The following NALF1 variants were observed in gnomAD, a reference collection of about 807,000 sequenced individuals.
The protein encoded by NALF1 is NALCN channel auxiliary factor 1.
In NALF1, 3 loss-of-function variants were observed where a neutral mutation model predicts 48.4. The observed-to-expected ratio is 0.06, with a 90% CI of 0.03 to 0.16. The LOEUF (loss-of-function observed/expected upper bound fraction) is 0.16, where lower values mean the gene tolerates loss of function less well. Among genes scored for constraint, NALF1 ranks in the 10% least tolerant of loss-of-function variants. The probability of loss-of-function intolerance (pLI) is 1.00; values close to 1 mark genes in which losing one functional copy is unlikely to be tolerated. For synonymous variants in NALF1, 262 were observed against 245.7 expected, an observed-to-expected ratio of 1.07 and a Z score of -0.62; for missense variants, 526 against 571.5, an observed-to-expected ratio of 0.92 and a Z score of 0.81.
At chr13:107,690,385 T>C (rs1881539565) in intron 1 of NALF1, among the ~76,000 whole-genome samples, 2 of 152,236 alleles carry the variant, frequency 1.3e-5, no homozygotes, top group African/African-American at 2.4e-5. Context: ...ACAAGTTCAG[T>C]AACATCTAAA....
chr13:107,267,891 C>A (rs558164588), intron 1 of NALF1, among the ~76,000 whole-genome samples: 2 of 151,996 alleles, frequency 1.3e-5, no homozygotes, highest in Non-Finnish European at 2.9e-5. Flanking sequence ...GGATTCACGT[C>A]TCGGGCAGGA....
chr13:107,316,161 C>T (rs1882145889), intron 1 of NALF1, among the ~76,000 whole-genome samples: 1 of 151,982 alleles, frequency 6.6e-6, no homozygotes, highest in Non-Finnish European at 1.5e-5. Context: ...GGTTTTTTGA[C>T]CTTGCGATAG....
chr13:107,385,769 C>T (rs1193548017), intron 1 of NALF1, among the ~76,000 whole-genome samples: 1 of 152,090 alleles, frequency 6.6e-6, no homozygotes, highest in Non-Finnish European at 1.5e-5. Context: ...TTAAAAGGAA[C>T]AAATTCGATA....
At chr13:107,802,717 A>G (rs545878203) in intron 1 of NALF1, among the ~76,000 whole-genome samples, 4 of 152,310 alleles carry the variant, frequency 2.6e-5, no homozygotes, top group African/African-American at 9.6e-5. Flanking sequence ...TAGAGAGTAT[A>G]TATAAAATAA....
intron 1 of NALF1, among the ~76,000 whole-genome samples, chr13:107,778,771 C>G (rs962917137): frequency 2.6e-5 from 4 of 152,080 alleles, no homozygotes; most frequent in African/African-American, 9.7e-5. Flanking sequence ...TTTCTTCCCT[C>G]CCCACTCATT....
At chr13:107,715,679 G>A (rs1875793613) in intron 1 of NALF1, among the ~76,000 whole-genome samples, 1 of 152,194 alleles carries the variant, frequency 6.6e-6, no homozygotes, top group East Asian at 1.9e-4. Flanking sequence ...AAGGGGAAAA[G>A]TGAGCCCTTC....
At chr13:107,743,183 CA>C (rs1457934742) in intron 1 of NALF1, among the ~76,000 whole-genome samples, 5 of 152,192 alleles carry the variant, frequency 3.3e-5, no homozygotes, top group Non-Finnish European at 5.9e-5. Flanking sequence ...CAGAGATTCC[CA>C]AAGAGATTGA....
At chr13:107,411,252 T>C (rs1197408722) in intron 1 of NALF1, among the ~76,000 whole-genome samples, 1 of 151,946 alleles carries the variant, frequency 6.6e-6, no homozygotes, top group Non-Finnish European at 1.5e-5. Context: ...CTCCTGGGAA[T>C]GCCTTGTTGT....
At chr13:107,638,814 C>T (rs1445795066) in intron 1 of NALF1, among the ~76,000 whole-genome samples, 2 of 152,018 alleles carry the variant, frequency 1.3e-5, no homozygotes, top group East Asian at 1.9e-4. Context: ...GGATCGAGAT[C>T]CATTCGACTG....
chr13:107,774,562 C>T (rs543286543), intron 1 of NALF1, among the ~76,000 whole-genome samples: 5 of 152,284 alleles, frequency 3.3e-5, no homozygotes, highest in African/African-American at 9.6e-5. Context: ...GAGGTAAATA[C>T]ATTTCTTACC....
chr13:107,445,322 T>A (rs537415611), intron 1 of NALF1, among the ~76,000 whole-genome samples: 1 of 152,064 alleles, frequency 6.6e-6, no homozygotes, highest in Non-Finnish European at 1.5e-5. Context: ...TTTACACAAA[T>A]GGCATCATGT....
chr13:107,594,465 A>C (rs1156266212), intron 1 of NALF1, among the ~76,000 whole-genome samples: 1 of 151,770 alleles, frequency 6.6e-6, no homozygotes, highest in Non-Finnish European at 1.5e-5. Context: ...TCTTTCCCCC[A>C]ATCCCCTGTG....
intron 1 of NALF1, among the ~76,000 whole-genome samples, chr13:107,319,172 C>T (rs567743419): frequency 1.4e-4 from 21 of 152,120 alleles, no homozygotes; most frequent in African/African-American, 2.9e-4. Flanking sequence ...ACTGGTCCTC[C>T]GGCCATCATA....
At chr13:107,597,657 T>A (rs1267319000) in intron 1 of NALF1, among the ~76,000 whole-genome samples, 1 of 152,106 alleles carries the variant, frequency 6.6e-6, no homozygotes, top group Admixed American at 6.6e-5. Context: ...AAATAGTCAA[T>A]ATTAGATAGT....
At chr13:107,295,668 A>G (rs1174777422) in intron 1 of NALF1, among the ~76,000 whole-genome samples, 2 of 152,208 alleles carry the variant, frequency 1.3e-5, no homozygotes, top group African/African-American at 2.4e-5. Context: ...GAGGAGGTGG[A>G]AGAGAAGCAG....
chr13:107,750,371 A>G (rs943681217), intron 1 of NALF1, among the ~76,000 whole-genome samples: 1 of 152,112 alleles, frequency 6.6e-6, no homozygotes, highest in African/African-American at 2.4e-5. Flanking sequence ...AAAATACAGG[A>G]AGCTATGTAA....
chr13:107,375,115 G>C (rs1016833186), intron 1 of NALF1, among the ~76,000 whole-genome samples: 1 of 152,086 alleles, frequency 6.6e-6, no homozygotes, highest in East Asian at 1.9e-4. Flanking sequence ...ATTTGAATAG[G>C]ATAAGTATAA....
At position 107,381,552 on chromosome 13, in the gene NALF1, G is replaced by A. The variant is rs566059109; in HGVS notation, c.916-170797C>T. On this transcript the variant is annotated intron_variant, in intron 1 of 2. Coordinates refer to ENST00000375915, the MANE Select transcript of NALF1 (RefSeq NM_001080396.3). ...CCCTTTCTGCCACCTGCATCCCTACGCACCGCCCCACCACCCCACCCACTC... is the reference window on the plus strand; with the variant it reads ...CCCTTTCTGCCACCTGCATCCCTACACACCGCCCCACCACCCCACCCACTC... 4.0e-5 allele frequency among the ~76,000 whole-genome samples: 6 copies of A among 151,828 alleles called. No homozygotes were observed. The South Asian group carries it at 8.4e-4, about 21-fold the overall frequency.
In NALF1 at chr13:107,866,755, CCTCT is replaced by C. The variant is rs143934150; in HGVS notation, c.-163_-160del. Reference sequence around the variant, plus strand: ...TCTCTCTCTTCCCCTCTCCCTCTCTCCTCTCTCTCTCTCTCCCTCTCCCTCTCTT... The same window carrying C: ...TCTCTCTCTTCCCCTCTCCCTCTCTCCTCTCTCTCTCCCTCTCCCTCTCTT... On this transcript the variant is annotated 5_prime_UTR_variant, in exon 1 of 3. Coordinates refer to ENST00000375915, the MANE Select transcript of NALF1 (RefSeq NM_001080396.3). This position sits in a 1 kb window ranked among gnomAD's most constrained non-coding sequence, Gnocchi z 4.4. 68 of 562,198 alleles carry C rather than the reference CCTCT, an allele frequency of 1.2e-4. No individual in the cohort carries two copies. Among genetic ancestry groups the C allele is most frequent in the Non-Finnish European group, 1.5e-4 (48 of 314,422 alleles). The allele number at this position is 562,198 out of a possible 1,614,324, so 34.8% of individuals were successfully genotyped here. A position where few individuals can be genotyped will look rare whatever the true frequency, so the allele number is the denominator to read the frequency against.
Sources: gnomAD v4.1 joint callset for allele counts (sites outside exome capture counted in the v4.1 genomes callset) on GRCh38, gnomAD v4.1.1 for gene constraint, Gnocchi (gnomAD v3.1) non-coding constraint, MANE v1.5 for transcripts, NCBI Gene and HGNC (gene_info 2026-07-23, HGNC 2026-07-21) for gene names.